Variants in DHRSX observed in about 807,000 individuals in gnomAD.
The protein encoded by DHRSX is polyprenol dehydrogenase.
In DHRSX, 31 loss-of-function variants were observed where a neutral mutation model predicts 34.0. The ratio of observed to expected loss-of-function variants is 0.91; its 90% CI spans 0.69 to 1.23. The LOEUF (loss-of-function observed/expected upper bound fraction) is 1.23. Among genes scored for constraint, DHRSX ranks in the 50% most tolerant of loss-of-function variants. The pLI, the probability that DHRSX is intolerant of heterozygous loss-of-function variation, is 0.00. For synonymous variants in DHRSX, 201 were observed against 183.8 expected, an observed-to-expected ratio of 1.09 and a Z score of -0.76; for missense variants, 414 against 428.1, an observed-to-expected ratio of 0.97 and a Z score of 0.29.
chrX:2,234,215 ATGCATTC>A (rs2015962327), intron 6 of DHRSX, among the ~76,000 whole-genome samples: 1 of 138,758 alleles, frequency 7.2e-6, no homozygotes, highest in Non-Finnish European at 1.5e-5. Flanking sequence ...CTCCATACAC[ATGCATTC>A]TGCAGCTGCC....
chrX:2,406,031 C>T (rs2043550678), intron 3 of DHRSX, among the ~76,000 whole-genome samples: 1 of 152,196 alleles, frequency 6.6e-6, no homozygotes, highest in South Asian at 2.1e-4. Flanking sequence ...CAGTGGCTCA[C>T]GCCTGTAATC....
intron 5 of DHRSX, among the ~76,000 whole-genome samples, chrX:2,258,753 T>C (rs1410405867): frequency 6.6e-6 from 1 of 152,194 alleles, no homozygotes; most frequent in Non-Finnish European, 1.5e-5. Context: ...AAAAGGGGCC[T>C]ATTTGGAAAG....
At chrX:2,433,788 T>G (rs1421915426) in intron 1 of DHRSX, among the ~76,000 whole-genome samples, 1 of 152,162 alleles carries the variant, frequency 6.6e-6, no homozygotes, top group Non-Finnish European at 1.5e-5. Context: ...AACCTTTTCT[T>G]TTTTGAGATG....
intron 3 of DHRSX, among the ~76,000 whole-genome samples, chrX:2,379,183 T>G (rs2043176091): frequency 6.6e-6 from 1 of 152,018 alleles, no homozygotes; most frequent in Non-Finnish European, 1.5e-5. Flanking sequence ...TCACGTGGCT[T>G]CAGAGTCCCC....
At chrX:2,364,297 G>A (rs181559207) in intron 3 of DHRSX, among the ~76,000 whole-genome samples, 17 of 152,232 alleles carry the variant, frequency 1.1e-4, no homozygotes, top group Non-Finnish European at 1.9e-4. Flanking sequence ...AACTGCGGTG[G>A]GGGGTATAGT....
intron 2 of DHRSX, among the ~76,000 whole-genome samples, chrX:2,413,381 C>A (rs2043655588): frequency 6.6e-6 from 1 of 151,882 alleles, no homozygotes. Flanking sequence ...TAATTAGTCA[C>A]AGTGACTATA....
chrX:2,482,339 G>T (rs1486893360), intron 1 of DHRSX, among the ~76,000 whole-genome samples: 2 of 151,946 alleles, frequency 1.3e-5, no homozygotes, highest in African/African-American at 4.8e-5. Context: ...ATGTTGACCA[G>T]GCTGGTCTCA....
chrX:2,404,007 A>G (rs1220112202), intron 3 of DHRSX, among the ~76,000 whole-genome samples: 6 of 152,124 alleles, frequency 3.9e-5, no homozygotes, highest in African/African-American at 1.2e-4. Flanking sequence ...ATTTTGGGGA[A>G]CTATATATAG....
chrX:2,324,176 C>A (rs1354978216), intron 3 of DHRSX, among the ~76,000 whole-genome samples: 1 of 152,070 alleles, frequency 6.6e-6, no homozygotes, highest in Non-Finnish European at 1.5e-5. Context: ...CAGATACCTG[C>A]ATGTGATAGG....
intron 6 of DHRSX, among the ~76,000 whole-genome samples, chrX:2,225,968 T>C (rs1025975649): frequency 2.6e-5 from 4 of 151,832 alleles, no homozygotes; most frequent in Admixed American, 2.0e-4. Flanking sequence ...GGGACGACCC[T>C]GTGAGGACAC....
intron 1 of DHRSX, among the ~76,000 whole-genome samples, chrX:2,425,808 C>A (rs913804997): frequency 6.6e-6 from 1 of 152,140 alleles, no homozygotes; most frequent in Non-Finnish European, 1.5e-5. Context: ...TGACACCACT[C>A]AGGACCACAC....
At chrX:2,386,897 T>G (rs2043278833) in intron 3 of DHRSX, among the ~76,000 whole-genome samples, 1 of 137,076 alleles carries the variant, frequency 7.3e-6, no homozygotes, top group African/African-American at 3.0e-5. Context: ...TTTTTTTTTT[T>G]GCTTCTCTGC....
chrX:2,451,990 T>C (rs2044226022), intron 1 of DHRSX, among the ~76,000 whole-genome samples: 2 of 151,958 alleles, frequency 1.3e-5, no homozygotes, highest in African/African-American at 2.4e-5. Context: ...ACCACTGCCA[T>C]GTACACACTG....
intron 3 of DHRSX, among the ~76,000 whole-genome samples, chrX:2,351,920 A>G (rs957119772): frequency 6.6e-6 from 1 of 152,182 alleles, no homozygotes; most frequent in Non-Finnish European, 1.5e-5. Flanking sequence ...GGGTTCCACC[A>G]TAACAGCCAG....
At chrX:2,381,002 A>G (rs1172333701) in intron 3 of DHRSX, among the ~76,000 whole-genome samples, 1 of 151,840 alleles carries the variant, frequency 6.6e-6, no homozygotes, top group Non-Finnish European at 1.5e-5. Context: ...GTAGCTTGGG[A>G]TTACAGGTGT....
At chrX:2,316,753 T>C (rs1007105014) in intron 3 of DHRSX, among the ~76,000 whole-genome samples, 12 of 152,212 alleles carry the variant, frequency 7.9e-5, no homozygotes, top group Non-Finnish European at 1.6e-4. Context: ...ATTTATATCC[T>C]ACTGCTCAAG....
At chrX:2,240,851 GTAAATC>G (rs1381812742) in intron 6 of DHRSX, among the ~76,000 whole-genome samples, 1 of 152,092 alleles carries the variant, frequency 6.6e-6, no homozygotes, top group Non-Finnish European at 1.5e-5. Flanking sequence ...AGGAAAGAAA[GTAAATC>G]TATAGCTCCC....
intron 5 of DHRSX, among the ~76,000 whole-genome samples, chrX:2,247,655 CAAAAAAA>C (rs752111695): frequency 3.1e-5 from 3 of 96,942 alleles, no homozygotes; most frequent in Non-Finnish European, 4.2e-5. Flanking sequence ...CTCCGTCTCA[CAAAAAAA>C]AAAAAAAAAA....
At chrX:2,307,780 T>TA (rs2042116390) in intron 3 of DHRSX, among the ~76,000 whole-genome samples, 1 of 108,598 alleles carries the variant, frequency 9.2e-6, no homozygotes. Context: ...AAAAAAAAAG[T>TA]AATAAAAATA....
Sources: gnomAD v4.1 joint callset for allele counts (sites outside exome capture counted in the v4.1 genomes callset) on GRCh38, gnomAD v4.1.1 for gene constraint, MANE v1.5 for transcripts, NCBI Gene and HGNC (gene_info 2026-07-23, HGNC 2026-07-21) for gene names.